Variants in STAG1 observed in about 807,000 individuals in gnomAD.
STAG1 encodes the protein cohesin subunit SA-1.
STAG1 carries 26 observed loss-of-function variants against 170.9 expected under a neutral mutation model. That is an observed-to-expected ratio of 0.15 (90% CI 0.11 to 0.21). The LOEUF is 0.21. STAG1 is among the 10% of genes least tolerant of loss of function. The probability of loss-of-function intolerance (pLI) is 1.00; values close to 1 mark genes in which losing one functional copy is unlikely to be tolerated. For missense variants in STAG1, 964 were observed against 1,509.5 expected (o/e 0.64, Z 5.99); for synonymous variants, 514 against 497.7 (o/e 1.03, Z -0.44).
intron 1 of STAG1, among the ~76,000 whole-genome samples, chr3:136,679,008 A>C (rs1226403593): frequency 6.6e-6 from 1 of 151,824 alleles, no homozygotes; most frequent in East Asian, 1.9e-4. Context: ...AAAAAAAAAA[A>C]AAACAAATGT....
intron 3 of STAG1, among the ~76,000 whole-genome samples, chr3:136,612,246 G>A (rs998436497): frequency 2.0e-5 from 3 of 152,232 alleles, no homozygotes; most frequent in South Asian, 2.1e-4. Flanking sequence ...TTGCTCAACC[G>A]TAACTGGAGT....
intron 3 of STAG1, among the ~76,000 whole-genome samples, chr3:136,613,786 C>T (rs113793700): frequency 6.6e-4 from 101 of 152,254 alleles, no homozygotes; most frequent in African/African-American, 2.4e-3. Flanking sequence ...CTGTGCCCGG[C>T]CAATTAATTC....
intron 4 of STAG1, among the ~76,000 whole-genome samples, chr3:136,582,375 T>G (rs1019984390): frequency 2.0e-5 from 3 of 152,160 alleles, no homozygotes; most frequent in Non-Finnish European, 4.4e-5. Context: ...GCTTTTGAAG[T>G]AGCAGTTAAC....
chr3:136,394,991 A>G (rs914025250), intron 22 of STAG1, among the ~76,000 whole-genome samples: 7 of 150,746 alleles, frequency 4.6e-5, no homozygotes, highest in African/African-American at 1.5e-4. Flanking sequence ...ACACACTTGT[A>G]GTCCCAGCTA....
chr3:136,745,058 T>C (rs182964641), intron 1 of STAG1, among the ~76,000 whole-genome samples: 23 of 152,312 alleles, frequency 1.5e-4, no homozygotes, highest in Non-Finnish European at 1.9e-4. Flanking sequence ...TGAAACTTAT[T>C]TTCATTGTGT....
intron 13 of STAG1, among the ~76,000 whole-genome samples, chr3:136,463,795 AC>A: frequency 1.0e-5 from 1 of 99,464 alleles, no homozygotes; most frequent in Non-Finnish European, 2.6e-5. Context: ...ACACACATAT[AC>A]ATATACATAC....
intron 5 of STAG1, among the ~76,000 whole-genome samples, chr3:136,545,881 A>G (rs982544795): frequency 3.3e-5 from 5 of 152,202 alleles, no homozygotes; most frequent in Admixed American, 2.0e-4. Context: ...AGGAAAAAAA[A>G]CTAATGTATT....
intron 3 of STAG1, among the ~76,000 whole-genome samples, chr3:136,619,046 G>A (rs1344102267): frequency 3.9e-5 from 6 of 151,968 alleles, no homozygotes; most frequent in Admixed American, 3.3e-4. Context: ...CATACATAGA[G>A]GAGAAGACAG....
chr3:136,592,391 C>A (rs1169199882), intron 4 of STAG1, among the ~76,000 whole-genome samples: 1 of 152,176 alleles, frequency 6.6e-6, no homozygotes. Flanking sequence ...CATTTTCTCT[C>A]CTGCTGCCCT....
chr3:136,620,032 C>G lies in STAG1; in HGVS notation c.132+3114G>C, dbSNP rs556357158. Among the ~76,000 whole-genome samples, 26 of 151,990 alleles carry G rather than the reference C, an allele frequency of 1.7e-4. No homozygotes were observed. The South Asian group carries it at 5.0e-3, about 29-fold the overall frequency. On this transcript the variant is annotated intron_variant, in intron 3 of 33. Coordinates refer to ENST00000383202, the MANE Select transcript of STAG1 (RefSeq NM_005862.3). Reference sequence around the variant, plus strand: ...AGTAAGCCACAGTTGCGCCACTGCACTGCAGCCTGGGTGACAGAGTGAGAT... The same window carrying G: ...AGTAAGCCACAGTTGCGCCACTGCAGTGCAGCCTGGGTGACAGAGTGAGAT...
At chr3:136,659,075 AC>A (rs1941487141) in intron 1 of STAG1, among the ~76,000 whole-genome samples, 1 of 152,170 alleles carries the variant, frequency 6.6e-6, no homozygotes, top group South Asian at 2.1e-4. Context: ...TGCACAATTA[AC>A]AACCTTCTCA....
intron 1 of STAG1, among the ~76,000 whole-genome samples, chr3:136,662,084 GCTAA>G (rs563360728): frequency 6.3e-4 from 96 of 151,708 alleles, no homozygotes; most frequent in African/African-American, 2.3e-3. Context: ...CCTTAGTTCA[GCTAA>G]CTGAGTCTTA....
intron 16 of STAG1, among the ~76,000 whole-genome samples, chr3:136,431,340 T>G (rs964123582): frequency 6.6e-6 from 1 of 152,114 alleles, no homozygotes; most frequent in Admixed American, 6.6e-5. Flanking sequence ...TGGCACGATC[T>G]TGGCTCACCA....
chr3:136,676,737 T>TGTTA (rs1942138605), intron 1 of STAG1, among the ~76,000 whole-genome samples: 1 of 152,166 alleles, frequency 6.6e-6, no homozygotes, highest in Non-Finnish European at 1.5e-5. Context: ...AGTTTTTGTT[T>TGTTA]GTTTGTTTGT....
chr3:136,594,682 T>C (rs1324835601), intron 4 of STAG1, among the ~76,000 whole-genome samples: 2 of 152,200 alleles, frequency 1.3e-5, no homozygotes, highest in African/African-American at 4.8e-5. Context: ...AGAAAGTCCA[T>C]GAAGGTAAGG....
At chr3:136,454,332 A>C (rs1170182145) in intron 13 of STAG1, among the ~76,000 whole-genome samples, 1 of 148,824 alleles carries the variant, frequency 6.7e-6, no homozygotes, top group Non-Finnish European at 1.5e-5. Context: ...CGCCCACCTC[A>C]GCCTCCCAAA....
rs548793861 is a variant in STAG1 at position 136,370,829 on chromosome 3, G to A, written c.2371-1547C>T. Among the ~76,000 whole-genome samples the A allele has an allele frequency of 2.8e-3, 423 of 152,144 alleles. 2 individuals are homozygous for A. Among genetic ancestry groups the A allele is most frequent in the African/African-American group, 9.5e-3 (396 of 41,474 alleles). ...AGTGCCGCAATAAACATACGTGTGC[G>A]TGTGTCTTTATAGCAGCATGATTTA... On this transcript the variant is annotated intron_variant, in intron 23 of 33. Transcript: ENST00000383202.
chr3:136,551,931 G>GA lies in STAG1; in HGVS notation c.395-9737dup, dbSNP rs766136623. ...AAGACATGAGAGAGAGACACTGAGA[G>GA]AGAGAGAGGCTGAAATTGAAAAATA... On this transcript the variant is annotated intron_variant, in intron 5 of 33. Coordinates refer to ENST00000383202, the MANE Select transcript of STAG1 (RefSeq NM_005862.3). 5.8e-4 allele frequency among the ~76,000 whole-genome samples: 88 copies of GA among 152,050 alleles called. 1 individual carries two copies. The highest frequency in any genetic ancestry group is 3.4e-3 in the Middle Eastern group (1 of 294).
At chr3:136,542,469 A>T (rs1013603304) in intron 5 of STAG1, among the ~76,000 whole-genome samples, 1 of 152,154 alleles carries the variant, frequency 6.6e-6, no homozygotes, top group Non-Finnish European at 1.5e-5. Flanking sequence ...AGTTCTAGAT[A>T]GTTTAAATTA....
Sources: allele counts gnomAD v4.1 joint callset (sites outside exome capture counted in the v4.1 genomes callset), GRCh38; gene constraint gnomAD v4.1.1; transcripts MANE v1.5; gene names NCBI Gene and HGNC (gene_info 2026-07-23, HGNC 2026-07-21).